Variants in TLE4 observed in about 807,000 individuals in gnomAD.
TLE4 encodes TLE family member 4, transcriptional corepressor, also known as transducin-like enhancer protein 4.
A neutral mutation model predicts 92.8 loss-of-function variants in TLE4; 8 were observed. The ratio of observed to expected loss-of-function variants is 0.09; its 90% confidence interval spans 0.05 to 0.16. The LOEUF (loss-of-function observed/expected upper bound fraction) is 0.16, where lower values mean the gene tolerates loss of function less well. TLE4 is among the 10% of genes least tolerant of loss of function. The pLI, the probability that TLE4 is intolerant of heterozygous loss-of-function variation, is 1.00. For missense variants in TLE4, 675 were observed against 997.6 expected, an observed-to-expected ratio of 0.68 and a Z score of 4.36; for synonymous variants, 371 against 374.1, an observed-to-expected ratio of 0.99 and a Z score of 0.10.
chr9:79,664,306 ATTATTGGGT>A (rs1240462671), intron 8 of TLE4, among the ~76,000 whole-genome samples: 1 of 152,218 alleles, frequency 6.6e-6, no homozygotes, highest in Non-Finnish European at 1.5e-5. Flanking sequence ...AAATCTGGGC[ATTATTGGGT>A]TTATTGGGTT....
chr9:79,725,143 A>G lies in TLE4; in HGVS notation c.2321A>G (p.Ter774=). ...GCCACAGTTTATGAAGTTATTTATT[A>G]AAGACAAATCTTCATGCAGACTGGA... The part of the protein sequence containing the change: ...KKATVYEVIY[*] Residue 774 remains the stop codon, a stop_retained_variant, in exon 20 of 20, where the codon TAA becomes TGA. Coordinates refer to ENST00000376552, the MANE Select transcript of TLE4 (RefSeq NM_007005.6). 6.2e-7 allele frequency: 1 copy of G among 1,609,688 alleles called. No homozygotes were observed. The highest frequency in any genetic ancestry group is 1.1e-5 in the South Asian group (1 of 90,992).
chr9:79,607,778 A>G (rs962691302), intron 4 of TLE4, among the ~76,000 whole-genome samples: 4 of 151,990 alleles, frequency 2.6e-5, no homozygotes, highest in Admixed American at 1.3e-4. Flanking sequence ...TGGTACCAGT[A>G]CCATGCTGTT....
chr9:79,667,068 A>G (rs1025842320), intron 8 of TLE4, among the ~76,000 whole-genome samples: 2 of 152,192 alleles, frequency 1.3e-5, no homozygotes, highest in African/African-American at 2.4e-5. Context: ...TCTTACTTCA[A>G]AGCTTCATCG....
intron 6 of TLE4, chr9:79,627,670 C>G: frequency 1.8e-6 from 1 of 557,158 alleles, no homozygotes; most frequent in South Asian, 2.2e-5. Context: ...GAAAACTCTC[C>G]TCTAAGGAGA....
intron 1 of TLE4, 84 bp from the exon 2 acceptor site, chr9:79,573,605 G>A (rs1031976421): frequency 5.1e-6 from 6 of 1,185,902 alleles, no homozygotes; most frequent in South Asian, 1.6e-5. Context: ...CTCACCCCCC[G>A]CTAACGCCGC....
At chr9:79,597,599 T>C (rs2044346312) in intron 4 of TLE4, among the ~76,000 whole-genome samples, 1 of 152,118 alleles carries the variant, frequency 6.6e-6, no homozygotes, top group Non-Finnish European at 1.5e-5. Flanking sequence ...GCCTGCTTAG[T>C]GATTCCTATC....
At chr9:79,644,117 G>C (rs1456232869) in intron 6 of TLE4, among the ~76,000 whole-genome samples, 2 of 152,074 alleles carry the variant, frequency 1.3e-5, no homozygotes, top group East Asian at 3.9e-4. Flanking sequence ...CTCGTGGGAG[G>C]TAATTTAATC....
At chr9:79,606,827 C>T (rs1254230896) in intron 4 of TLE4, among the ~76,000 whole-genome samples, 1 of 152,108 alleles carries the variant, frequency 6.6e-6, no homozygotes, top group Non-Finnish European at 1.5e-5. Context: ...AATAGTGCTG[C>T]AGTAAACATA....
At chr9:79,723,815 C>T (rs2076019585) in intron 19 of TLE4, among the ~76,000 whole-genome samples, 1 of 152,188 alleles carries the variant, frequency 6.6e-6, no homozygotes, top group African/African-American at 2.4e-5. Flanking sequence ...CCAATTGTTG[C>T]AGTCATGAAG....
chr9:79,686,880 A>G (rs1316823), intron 8 of TLE4, among the ~76,000 whole-genome samples: 80,768 of 152,094 alleles, frequency 0.53, 24,163 homozygotes, highest in East Asian at 0.74. Flanking sequence ...GTGTTTCATC[A>G]TCAGTGAAGT....
intron 14 of TLE4, chr9:79,718,166 A>G (rs1046113633): frequency 2.3e-6 from 1 of 430,926 alleles, no homozygotes; most frequent in Non-Finnish European, 4.6e-6. Flanking sequence ...AAGGTTTTAA[A>G]ATAGGGCTTT....
Position 79,612,793 on chromosome 9 carries a change from T to C in TLE4, c.315+75T>C, listed in dbSNP as rs1248296739. 4 of 1,260,852 alleles carry C rather than the reference T, an allele frequency of 3.2e-6. No individual in the cohort carries two copies. In the Admixed American group the frequency reaches 5.1e-5, roughly 16 times the overall value. The allele number at this position is 1,260,852 out of a possible 1,614,324, so 78.1% of individuals were successfully genotyped here. A position where few individuals can be genotyped will look rare whatever the true frequency, so the allele number is the denominator to read the frequency against. On this transcript the variant is annotated intron_variant, in intron 5 of 19. Transcript: ENST00000376552. ...TTTTGCAGAAAAGGGATTGTAGAAC[T>C]GACTCTCTGGCCTTGCCAGTCTCTT...
intron 7 of TLE4, 92 bp from the exon 8 acceptor site, chr9:79,653,967 A>G: frequency 7.2e-7 from 1 of 1,393,550 alleles, no homozygotes. Flanking sequence ...CAAGTTTGAT[A>G]AATCAGTATG....
chr9:79,723,399 G>A (rs908761769), intron 19 of TLE4, among the ~76,000 whole-genome samples: 1 of 152,152 alleles, frequency 6.6e-6, no homozygotes. Flanking sequence ...ACTCTTGTTA[G>A]TAGTAGTAGT....
chr9:79,701,404 A>T (rs775837440), intron 8 of TLE4, among the ~76,000 whole-genome samples: 6 of 152,246 alleles, frequency 3.9e-5, no homozygotes, highest in Non-Finnish European at 7.3e-5. Context: ...GAGCCAATAA[A>T]TGAACATAAA....
chr9:79,632,014 A>G (rs1200203101), intron 6 of TLE4, among the ~76,000 whole-genome samples: 1 of 152,112 alleles, frequency 6.6e-6, no homozygotes, highest in Non-Finnish European at 1.5e-5. Flanking sequence ...TCCTGGGCCC[A>G]CCGTGTACCC....
At chr9:79,585,040 G>A (rs1331997571) in intron 4 of TLE4, among the ~76,000 whole-genome samples, 1 of 152,142 alleles carries the variant, frequency 6.6e-6, no homozygotes, top group Non-Finnish European at 1.5e-5. Flanking sequence ...TATATTGTGT[G>A]TTTAGCTAAC....
At chr9:79,596,335 A>G (rs1315002272) in intron 4 of TLE4, among the ~76,000 whole-genome samples, 2 of 152,168 alleles carry the variant, frequency 1.3e-5, no homozygotes, top group Non-Finnish European at 2.9e-5. Context: ...ATCTAGGGCA[A>G]GTATCTGTTC....
intron 8 of TLE4, among the ~76,000 whole-genome samples, chr9:79,689,809 G>A (rs1043899503): frequency 1.3e-5 from 2 of 152,204 alleles, no homozygotes; most frequent in African/African-American, 4.8e-5. Flanking sequence ...AATCACAGTG[G>A]CTTGTTGATT....
Sources: gnomAD v4.1 joint callset for allele counts (sites outside exome capture counted in the v4.1 genomes callset) on GRCh38, gnomAD v4.1.1 for gene constraint, MANE v1.5 for transcripts, NCBI Gene and HGNC (gene_info 2026-07-23, HGNC 2026-07-21) for gene names.